VPS13B: variants seen among roughly 807,000 people sequenced by gnomAD.
VPS13B encodes intermembrane lipid transfer protein VPS13B.
A neutral mutation model predicts 426.4 loss-of-function variants in VPS13B; 285 were observed. The observed-to-expected ratio is 0.67, with a 90% CI of 0.61 to 0.74. VPS13B has a LOEUF of 0.74. Among genes scored for constraint, VPS13B ranks in the 30% least tolerant of loss-of-function variants. The pLI, the probability that VPS13B is intolerant of heterozygous loss-of-function variation, is 0.00. For missense variants in VPS13B, 4,537 were observed against 4,782.6 expected (o/e 0.95, Z 1.51); for synonymous variants, 1,676 against 1,676.4 (o/e 1.00, Z 0.01).
At chr8:99,846,569 G>T (rs768592307) in intron 54 of VPS13B, among the ~76,000 whole-genome samples, 3 of 152,186 alleles carry the variant, frequency 2.0e-5, no homozygotes, top group Non-Finnish European at 2.9e-5. Context: ...CAAGGTGTGA[G>T]TTGTTTCTCT....
At chr8:99,742,977 G>A (rs1809836040) in intron 39 of VPS13B, among the ~76,000 whole-genome samples, 1 of 152,104 alleles carries the variant, frequency 6.6e-6, no homozygotes, top group African/African-American at 2.4e-5. Flanking sequence ...TCTGGCCAGG[G>A]CAATCAGGCA....
chr8:99,025,940 C>G (rs977591311), intron 2 of VPS13B, among the ~76,000 whole-genome samples: 6 of 151,958 alleles, frequency 3.9e-5, no homozygotes, highest in African/African-American at 1.4e-4. Flanking sequence ...TTTTGTTTAT[C>G]TTTTCAAAAA....
intron 17 of VPS13B, among the ~76,000 whole-genome samples, chr8:99,200,621 A>AT (rs1814257407): frequency 6.6e-6 from 1 of 151,616 alleles, no homozygotes; most frequent in Non-Finnish European, 1.5e-5. Flanking sequence ...CATCATTATG[A>AT]TTTTCATTTT....
intron 30 of VPS13B, among the ~76,000 whole-genome samples, chr8:99,543,518 A>G (rs1017757107): frequency 2.0e-5 from 3 of 152,128 alleles, no homozygotes; most frequent in African/African-American, 7.2e-5. Context: ...CATCAGAGTG[A>G]ATAGGCAACC....
intron 2 of VPS13B, among the ~76,000 whole-genome samples, chr8:99,030,068 ATTAT>A (rs1842432806): frequency 6.8e-6 from 1 of 147,296 alleles, no homozygotes; most frequent in Non-Finnish European, 1.5e-5. Flanking sequence ...GTTTTCAGCA[ATTAT>A]TTATTTAAAT....
intron 3 of VPS13B, among the ~76,000 whole-genome samples, chr8:99,087,909 C>T (rs1257709546): frequency 3.9e-5 from 6 of 151,932 alleles, no homozygotes; most frequent in South Asian, 2.1e-4. Flanking sequence ...TTAGGCTGGG[C>T]GCAGTGGCTC....
chr8:99,142,726 A>T (rs1239716116), intron 12 of VPS13B, among the ~76,000 whole-genome samples: 2 of 152,214 alleles, frequency 1.3e-5, no homozygotes, highest in African/African-American at 4.8e-5. Flanking sequence ...TAAGAATGAC[A>T]ATTTTGATTT....
chr8:99,821,528 C>T, intron 50 of VPS13B, 46 bp downstream of exon 50: 1 of 1,606,242 alleles, frequency 6.2e-7, no homozygotes, highest in Non-Finnish European at 8.5e-7. Context: ...CATGCCATCC[C>T]CTTAACCTGT....
Position 99,147,916 on chromosome 8 carries a change from A to T in VPS13B, c.1919A>T (p.His640Leu). 1 of 1,613,768 alleles carries T rather than the reference A, an allele frequency of 6.2e-7. No individual in the cohort carries two copies. The highest frequency in any genetic ancestry group is 1.1e-5 in the South Asian group (1 of 91,004). Residue 640 changes from histidine (H) to leucine (L), a missense_variant, in exon 14 of 62, where the codon CAT becomes CTT. Coordinates refer to ENST00000357162, the MANE Select transcript of VPS13B (RefSeq NM_152564.5). ...ALLEEYIPTR[H>L]TSVTLLKCTC... ...CTGGAGGAATATATTCCTACTCGAC[A>T]TACAAGTGTTACTCTCCTCAAATGT...
At chr8:99,062,715 G>A (rs1365012384) in intron 3 of VPS13B, among the ~76,000 whole-genome samples, 1 of 151,950 alleles carries the variant, frequency 6.6e-6, no homozygotes, top group African/African-American at 2.4e-5. Context: ...TGATCCACCC[G>A]CCTTGTGGAT....
chr8:99,848,724 C>A, intron 54 of VPS13B, 52 bp from the exon 55 acceptor site: 1 of 1,558,012 alleles, frequency 6.4e-7, no homozygotes, highest in Non-Finnish European at 8.9e-7. Context: ...CAAGCCACTT[C>A]AATAGTGTTT....
Position 99,511,513 on chromosome 8 carries a change from G to T in VPS13B, c.4633+1G>T, listed in dbSNP as rs1337363590. ...GAAGAAATGCAGCCAACTGTTGAAGGTATTGTCTTCTGATTTTTTTTGTCT... is the reference window on the plus strand; with the variant it reads ...GAAGAAATGCAGCCAACTGTTGAAGTTATTGTCTTCTGATTTTTTTTGTCT... On this transcript the variant is annotated splice_donor_variant, in intron 29 of 61. Coordinates refer to ENST00000357162, the MANE Select transcript of VPS13B (RefSeq NM_152564.5). LOFTEE classifies it high-confidence loss of function. 1 of 1,610,450 alleles carries T rather than the reference G, an allele frequency of 6.2e-7. No individual in the cohort carries two copies.
chr8:99,321,365 C>T (rs751109774), intron 19 of VPS13B, among the ~76,000 whole-genome samples: 11 of 151,858 alleles, frequency 7.2e-5, no homozygotes, highest in East Asian at 3.9e-4. Flanking sequence ...GGCACCACCA[C>T]GCCCAGCTAA....
Position 99,232,602 on chromosome 8 carries a change from A to G in VPS13B, c.2515+39545A>G, listed in dbSNP as rs1485538279. Among the ~76,000 whole-genome samples, 38 of 152,240 alleles carry G rather than the reference A, an allele frequency of 2.5e-4. 1 individual carries two copies. The highest frequency in any genetic ancestry group is 2.5e-3 in the Admixed American group (38 of 15,284). Reference sequence around the variant, plus strand: ...TCTAAAACATATTACCGCTGCAGGCACCCTGCGTAACCCGCAGGCCACGTA... The same window carrying G: ...TCTAAAACATATTACCGCTGCAGGCGCCCTGCGTAACCCGCAGGCCACGTA... On this transcript the variant is annotated intron_variant, in intron 17 of 61. Coordinates refer to ENST00000357162, the MANE Select transcript of VPS13B (RefSeq NM_152564.5).
chr8:99,467,432 C>T lies in VPS13B; in HGVS notation c.3464C>T (p.Thr1155Met), dbSNP rs758040462. 30 of 1,613,490 alleles carry T rather than the reference C, an allele frequency of 1.9e-5. No homozygotes were observed. Among genetic ancestry groups the T allele is most frequent in the Middle Eastern group, 3.3e-4 (2 of 6,076 alleles). The change falls in exon 24 of 62, where the codon ACG becomes ATG. Residue 1155 changes from threonine (T) to methionine (M), a missense_variant. Physicochemically the swap from Thr to Met is moderately conservative, Grantham distance 81. This residue lies in a region of VPS13B where 4,311 missense variants were observed against 4,474.3 expected (regional missense o/e 0.96). Transcript: ENST00000357162. ...ILEEGDAFPW[T>M]ISLHNFSIYT... is the part of the protein sequence containing the mutation. ...ATATCAGGTGATGCTTTTCCTTGGA[C>T]GATCAGCTTGCATAATTTCAGCATA...
chr8:99,500,411 C>G (rs892645444), intron 25 of VPS13B, among the ~76,000 whole-genome samples: 2 of 152,008 alleles, frequency 1.3e-5, no homozygotes, highest in Non-Finnish European at 2.9e-5. Flanking sequence ...ATAATTATAA[C>G]TACAATTTAT....
At chr8:99,865,816 C>A (rs1464567758) in intron 58 of VPS13B, among the ~76,000 whole-genome samples, 2 of 152,184 alleles carry the variant, frequency 1.3e-5, no homozygotes, top group African/African-American at 4.8e-5. Flanking sequence ...TTGCCAGAAA[C>A]AAAATTACAC....
At chr8:99,868,254 G>T in intron 58 of VPS13B, 35 bp from the exon 59 acceptor site, 1 of 1,613,488 alleles carries the variant, frequency 6.2e-7, no homozygotes, top group Non-Finnish European at 8.5e-7. Flanking sequence ...AGGATTTTAA[G>T]CCTCTGTCCT....
intron 17 of VPS13B, among the ~76,000 whole-genome samples, chr8:99,247,395 AT>A (rs1352449797): frequency 1.3e-5 from 2 of 152,146 alleles, no homozygotes; most frequent in African/African-American, 2.4e-5. Context: ...ATTTGCCTTC[AT>A]TCCAGTTTCA....
Sources: allele counts gnomAD v4.1 joint callset (sites outside exome capture counted in the v4.1 genomes callset), GRCh38; gene constraint gnomAD v4.1.1; regional missense constraint gnomAD v4.1.1; transcripts MANE v1.5; gene names NCBI Gene and HGNC (gene_info 2026-07-23, HGNC 2026-07-21).